CAMK2B: variants seen among roughly 807,000 people sequenced by gnomAD.
CAMK2B encodes calcium/calmodulin dependent protein kinase II beta, also known as calcium/calmodulin-dependent protein kinase type II subunit beta.
In CAMK2B, 27 loss-of-function variants were observed where a neutral mutation model predicts 93.7. That is an observed-to-expected ratio of 0.29 (90% CI 0.21 to 0.40). The LOEUF (loss-of-function observed/expected upper bound fraction) is 0.40. Ranked by LOEUF, CAMK2B falls within the 10% of genes least tolerant of loss-of-function variation. The probability of loss-of-function intolerance (pLI) is 1.00; values close to 1 mark genes in which losing one functional copy is unlikely to be tolerated. For missense variants in CAMK2B, 568 were observed against 895.8 expected, an observed-to-expected ratio of 0.63 and a Z score of 4.67; for synonymous variants, 374 against 358.8, an observed-to-expected ratio of 1.04 and a Z score of -0.48.
intron 13 of CAMK2B, among the ~76,000 whole-genome samples, chr7:44,235,895 C>G (rs2096621108): frequency 6.6e-6 from 1 of 152,232 alleles, no homozygotes; most frequent in Non-Finnish European, 1.5e-5. Context: ...GCCTGGGGAT[C>G]CCGTGCTGCC....
chr7:44,257,527 A>C (rs1338060335), intron 4 of CAMK2B, among the ~76,000 whole-genome samples: 1 of 152,142 alleles, frequency 6.6e-6, no homozygotes, highest in East Asian at 1.9e-4. Context: ...CCCCCACCCC[A>C]CAGTCTCCAT....
chr7:44,226,334 C>T (rs1243060314), intron 20 of CAMK2B, among the ~76,000 whole-genome samples, 182 bp downstream of exon 20: 2 of 152,216 alleles, frequency 1.3e-5, no homozygotes, highest in Non-Finnish European at 2.9e-5. Context: ...CCATAACCTC[C>T]ATTTTCTGAG....
At chr7:44,294,373 T>C (rs2129150810) in intron 1 of CAMK2B, among the ~76,000 whole-genome samples, 1 of 152,258 alleles carries the variant, frequency 6.6e-6, no homozygotes, top group East Asian at 1.9e-4. Flanking sequence ...AACAGACAGT[T>C]GGTCCCCAGG....
intron 12 of CAMK2B, 29 bp downstream of exon 12, chr7:44,240,678 G>A (rs200393607): frequency 5.8e-5 from 94 of 1,612,002 alleles, no homozygotes; most frequent in Non-Finnish European, 7.5e-5. Flanking sequence ...AGGGGGCAGC[G>A]CCTGTCTCCC....
At chr7:44,239,801 G>C in intron 12 of CAMK2B, 138 bp from the exon 13 acceptor site, 1 of 662,518 alleles carries the variant, frequency 1.5e-6, no homozygotes. Flanking sequence ...GATGGTTCCA[G>C]AATCCTTTGC....
intron 1 of CAMK2B, among the ~76,000 whole-genome samples, chr7:44,317,132 C>T (rs1213290212): frequency 6.6e-6 from 1 of 151,406 alleles, no homozygotes; most frequent in African/African-American, 2.4e-5. Flanking sequence ...ATGGTAAGTA[C>T]AGGCAACCAG....
rs1322303341 is a variant in CAMK2B, at chr7:44,271,481, T to C, written c.161-8417A>G. On this transcript the variant is annotated intron_variant, in intron 2 of 23. Coordinates refer to ENST00000395749, the MANE Select transcript of CAMK2B (RefSeq NM_001220.5). The surrounding 1 kb of genome is among the most constrained non-coding windows in gnomAD (Gnocchi z 4.2). ...TCTGGTCTTTAATTCTGTTTGGCCA[T>C]GACCTGGCTGGCTCCTACAGACTCT... Among the ~76,000 whole-genome samples the C allele has an allele frequency of 6.6e-6, 1 of 152,224 alleles. No homozygotes were observed. The highest frequency in any genetic ancestry group is 2.4e-5 in the African/African-American group (1 of 41,458).
At chr7:44,283,827 G>A (rs1348264099) in intron 2 of CAMK2B, among the ~76,000 whole-genome samples, 1 of 152,216 alleles carries the variant, frequency 6.6e-6, no homozygotes, top group Non-Finnish European at 1.5e-5. Flanking sequence ...GTGAAAGTGG[G>A]CCCTGAGAAC....
At chr7:44,300,529 G>A (rs1380650097) in intron 1 of CAMK2B, among the ~76,000 whole-genome samples, 1 of 151,808 alleles carries the variant, frequency 6.6e-6, no homozygotes, top group Non-Finnish European at 1.5e-5. Context: ...AAATTATCAG[G>A]AATAAAGAAG....
rs185338759 is a variant in CAMK2B, at chr7:44,271,153, A to C, written c.161-8089T>G. Among the ~76,000 whole-genome samples the C allele has an allele frequency of 1.3e-5, 2 of 152,230 alleles. No individual in the cohort carries two copies. Among genetic ancestry groups the C allele is most frequent in the East Asian group, 3.9e-4 (2 of 5,190 alleles). ...AGGCTGGTCTTGAACTCCTGACCTCAGTTGATCCGCCCACCTCAGCCTCCC... is the reference window on the plus strand; with the variant it reads ...AGGCTGGTCTTGAACTCCTGACCTCCGTTGATCCGCCCACCTCAGCCTCCC... On this transcript the variant is annotated intron_variant, in intron 2 of 23. Coordinates refer to ENST00000395749, the MANE Select transcript of CAMK2B (RefSeq NM_001220.5). This position sits in a 1 kb window ranked among gnomAD's most constrained non-coding sequence, Gnocchi z 4.2.
At chr7:44,275,648 A>G (rs535006285) in intron 2 of CAMK2B, among the ~76,000 whole-genome samples, 14 of 152,330 alleles carry the variant, frequency 9.2e-5, no homozygotes, top group African/African-American at 1.7e-4. Flanking sequence ...GTCCCACGCA[A>G]TTTGGGACAC....
chr7:44,226,686 G>A lies in CAMK2B; in HGVS notation c.1469-42C>T. On this transcript the variant is annotated intron_variant, in intron 19 of 23. Transcript: ENST00000395749. Reference sequence around the variant, plus strand: ...GAGACGTGAACACAAGGCAGGCACGGGGGGCACGCAGGAGAGAAACCATGG... The same window carrying A: ...GAGACGTGAACACAAGGCAGGCACGAGGGGCACGCAGGAGAGAAACCATGG... 2.0e-6 allele frequency: 3 copies of A among 1,500,786 alleles called. No homozygotes were observed. The South Asian group carries it at 4.1e-5, about 21-fold the overall frequency. The allele number at this position is 1,500,786 out of a possible 1,614,324, so 93.0% of individuals were successfully genotyped here.
chr7:44,281,049 G>A (rs978530709), intron 2 of CAMK2B, among the ~76,000 whole-genome samples: 3 of 152,176 alleles, frequency 2.0e-5, no homozygotes, highest in African/African-American at 7.2e-5. Flanking sequence ...TTTCACTCTA[G>A]TGCCTCCACC....
chr7:44,311,826 C>T lies in CAMK2B; in HGVS notation c.65+13531G>A, dbSNP rs1177826787. Among the ~76,000 whole-genome samples, 1 of 152,204 alleles carries T rather than the reference C, an allele frequency of 6.6e-6. No homozygotes were observed. The highest frequency in any genetic ancestry group is 2.4e-5 in the African/African-American group (1 of 41,452). Reference sequence around the variant, plus strand: ...GGGGTGTGTGACTGACTCTGCCCTACCCCCACTCTGGGCAGGGAAGGGTGA... The same window carrying T: ...GGGGTGTGTGACTGACTCTGCCCTATCCCCACTCTGGGCAGGGAAGGGTGA... On this transcript the variant is annotated intron_variant, in intron 1 of 23. Coordinates refer to ENST00000395749, the MANE Select transcript of CAMK2B (RefSeq NM_001220.5). The surrounding 1 kb of genome is among the most constrained non-coding windows in gnomAD (Gnocchi z 4.2).
At chr7:44,241,909 G>T in intron 10 of CAMK2B, 126 bp from the exon 11 acceptor site, 1 of 764,478 alleles carries the variant, frequency 1.3e-6, no homozygotes, top group South Asian at 1.6e-5. Flanking sequence ...TTGCGGCAAG[G>T]GTTGTCTGTC....
At chr7:44,274,560 C>T (rs2097013389) in intron 2 of CAMK2B, among the ~76,000 whole-genome samples, 1 of 152,270 alleles carries the variant, frequency 6.6e-6, no homozygotes, top group South Asian at 2.1e-4. Context: ...GAATCCCCTT[C>T]TCCTTCCATC....
In CAMK2B at chr7:44,243,394, C is replaced by T. The variant is rs76852084; in HGVS notation, c.517+31G>A. The T allele has an allele frequency of 1.5e-5, 24 of 1,612,352 alleles. No individual in the cohort carries two copies. The East Asian group carries it at 5.1e-4, about 34-fold the overall frequency. The stretch of plus-strand genomic sequence containing the variant: ...GCATCACCTCCTGCCCTGCCAACTG[C>T]CAGCCAACACACCCTGCCCCTGGCA... On this transcript the variant is annotated intron_variant, in intron 7 of 23. Coordinates refer to ENST00000395749, the MANE Select transcript of CAMK2B (RefSeq NM_001220.5).
intron 1 of CAMK2B, 118 bp from the exon 2 acceptor site, chr7:44,284,343 C>A: frequency 1.3e-6 from 1 of 741,826 alleles, no homozygotes; most frequent in South Asian, 1.7e-5. Flanking sequence ...CCGGCCCGGC[C>A]TCGGGCAGAT....
chr7:44,262,933 G>T, intron 3 of CAMK2B, 72 bp downstream of exon 3: 1 of 1,334,434 alleles, frequency 7.5e-7, no homozygotes, highest in Non-Finnish European at 1.1e-6. Context: ...AAGTCTGATA[G>T]AGAAACCGGA....
Sources: allele counts gnomAD v4.1 joint callset (sites outside exome capture counted in the v4.1 genomes callset), GRCh38; gene constraint gnomAD v4.1.1; non-coding constraint Gnocchi (gnomAD v3.1); transcripts MANE v1.5; gene names NCBI Gene and HGNC (gene_info 2026-07-23, HGNC 2026-07-21).